The following TTN variants were observed in gnomAD, a reference collection of about 807,000 sequenced individuals.
TTN encodes connectin.
In TTN, 1,525 loss-of-function variants were observed where a neutral mutation model predicts 3,223.0. The observed-to-expected ratio is 0.47, with a 90% confidence interval of 0.45 to 0.49. The LOEUF is 0.49. TTN is among the 20% of genes least tolerant of loss of function. The pLI is 0.00. For missense variants in TTN, 40,786 were observed against 43,424.0 expected (o/e 0.94, Z 5.40); for synonymous variants, 14,094 against 15,161.0 (o/e 0.93, Z 5.17).
Position 178,707,554 on chromosome 2 carries a change from G to A in TTN, c.29013C>T (p.Asp9671=). Residue 9671 remains aspartate, a synonymous_variant, in exon 100 of 363, where the codon GAC becomes GAT. Coordinates refer to ENST00000589042, the MANE Select transcript of TTN (RefSeq NM_001267550.2). ...VCKASNVAGS[D]TTKSKVTIKD... ...TAATGGTCACTTTTGATTTGGTAGT[G>A]TCACTTCCAGCCACATTTGAAGCTT... 1 of 1,613,452 alleles carries A rather than the reference G, an allele frequency of 6.2e-7. No homozygotes were observed. The highest frequency in any genetic ancestry group is 8.5e-7 in the Non-Finnish European group (1 of 1,179,580).
chr2:178,595,807 C>T lies in TTN; in HGVS notation c.57547G>A (p.Val19183Ile). Reference protein sequence around the residue: ...KKTIIVDVLDVPGPVGTPFLA... With the variant: ...KKTIIVDVLDIPGPVGTPFLA... ...AATGGTGTTCCAACGGGACCTGGAA[C>T]ATCTGGAAATAAGAAGAAAATAATT... The change falls in exon 295 of 363, where the codon GTT becomes ATT. Residue 19183 changes from valine to isoleucine, a missense_variant and splice_region_variant. Transcript: ENST00000589042. 1 of 1,591,544 alleles carries T rather than the reference C, an allele frequency of 6.3e-7. No homozygotes were observed. Among genetic ancestry groups the T allele is most frequent in the South Asian group, 1.2e-5 (1 of 86,618 alleles).
intron 62 of TTN, 30 bp downstream of exon 62, chr2:178,730,063 C>T: frequency 1.3e-6 from 2 of 1,587,852 alleles, no homozygotes; most frequent in South Asian, 2.3e-5. Flanking sequence ...TCTAGACAAG[C>T]AAGAAAGTGA....
Position 178,794,484 on chromosome 2 carries a change from A to G in TTN, c.1313T>C (p.Val438Ala). Residue 438 changes from valine (V) to alanine (A), a missense_variant, in exon 8 of 363, where the codon GTG becomes GCG. Transcript: ENST00000589042. ...TVVAAVDMAR[V>A]REPVISAVEQ... is the part of the protein sequence containing the mutation. ...TACAGCGCTGATCACTGGTTCTCTCACTCTGGCCATATCAACGGCAGCAAC... is the reference window on the plus strand; with the variant it reads ...TACAGCGCTGATCACTGGTTCTCTCGCTCTGGCCATATCAACGGCAGCAAC... 6.2e-7 allele frequency: 1 copy of G among 1,613,828 alleles called. No homozygotes were observed. Among genetic ancestry groups the G allele is most frequent in the Non-Finnish European group, 8.5e-7 (1 of 1,179,916 alleles).
chr2:178,722,997 T>C, intron 75 of TTN, 49 bp downstream of exon 75: 3 of 1,601,330 alleles, frequency 1.9e-6, no homozygotes, highest in South Asian at 2.3e-5. Context: ...GAAACTATGC[T>C]ACATGTTAGA....
At position 178,567,304 on chromosome 2, in the gene TTN, T is replaced by C; in HGVS notation, c.78828A>G (p.Ser26276=). ...CTAATACTTTTACATTTACTGGGAA[T>C]GACTTAGAACCTGCAACATTGGAAG... ...LRASNVAGSK[S]FPVNVKVLDR... is the part of the protein sequence containing the mutation. Residue 26276 remains serine, a synonymous_variant, in exon 326 of 363, where the codon TCA becomes TCG. Coordinates refer to ENST00000589042, the MANE Select transcript of TTN (RefSeq NM_001267550.2). 1.2e-6 allele frequency: 2 copies of C among 1,607,170 alleles called. No individual in the cohort carries two copies. Among genetic ancestry groups the C allele is most frequent in the Non-Finnish European group, 1.7e-6 (2 of 1,177,440 alleles).
In TTN at chr2:178,632,248, T is replaced by G. The variant is rs775953090; in HGVS notation, c.43646A>C (p.Lys14549Thr). The G allele has an allele frequency of 1.2e-6, 2 of 1,608,808 alleles. No homozygotes were observed. The highest frequency in any genetic ancestry group is 2.7e-5 in the African/African-American group (2 of 74,942). The change falls in exon 236 of 363, where the codon AAA becomes ACA. Residue 14549 changes from lysine to threonine, a missense_variant. Transcript: ENST00000589042. ...GTCTTTGAATGTGATCGAATGAGTT[T>G]TCCCTTCGTCTTGCATTGAGACCGA... Reference protein sequence around the residue: ...TRSVSMQDEGKTHSITFKDLS... With the variant: ...TRSVSMQDEGTTHSITFKDLS...
In TTN at chr2:178,684,687, C is replaced by T; in HGVS notation, c.32617G>A (p.Glu10873Lys). The T allele has an allele frequency of 6.2e-7, 1 of 1,610,908 alleles. No individual in the cohort carries two copies. Among genetic ancestry groups the T allele is most frequent in the Non-Finnish European group, 8.5e-7 (1 of 1,179,092 alleles). The change falls in exon 131 of 363, where the codon GAA becomes AAA. Residue 10873 changes from glutamate (E) to lysine (K), a missense_variant. Glu to Lys is a moderately conservative substitution (Grantham distance 56). Transcript: ENST00000589042. ...KKVPPKVIKM[E>K]EPLPAKVTER... ...TTACCTTTGGCTGGGAGAGGTTCTT[C>T]CATCTTAATGACTTTTGGAGGAACC... is the stretch of plus-strand genomic sequence containing the variant.
At chr2:178,554,836 T>C in intron 331 of TTN, 29 bp downstream of exon 331, 1 of 1,613,220 alleles carries the variant, frequency 6.2e-7, no homozygotes. Context: ...GCAAATGTAA[T>C]ATGACAGTGG....
Position 178,584,889 on chromosome 2 carries a change from A to C in TTN, c.64752T>G (p.Pro21584=). Residue 21584 remains proline (P), a synonymous_variant, in exon 310 of 363, where the codon CCT becomes CCG. Transcript: ENST00000589042. Reference sequence around the variant, plus strand: ...TGATGTTACTGCCTCCGTCCTCCAGAGGGATGTGCCATGACAGGGAGCAAG... The same window carrying C: ...TGATGTTACTGCCTCCGTCCTCCAGCGGGATGTGCCATGACAGGGAGCAAG... The part of the protein sequence containing the change: ...ADACSLSWHI[P]LEDGGSNITN... The C allele has an allele frequency of 2.5e-6, 4 of 1,613,350 alleles. No individual in the cohort carries two copies. The highest frequency in any genetic ancestry group is 3.4e-6 in the Non-Finnish European group (4 of 1,179,532).
rs368988689 is a variant in TTN at position 178,618,216 on chromosome 2, T to G, written c.47242A>C (p.Asn15748His). Residue 15748 changes from asparagine (N) to histidine (H), a missense_variant, in exon 252 of 363, where the codon AAT (asparagine) becomes CAT (histidine). Asn to His is a moderately conservative substitution (Grantham distance 68). Transcript: ENST00000589042. ...VGTGEPVETDNPVEARSKYDV... is the reference protein window; with the variant it reads ...VGTGEPVETDHPVEARSKYDV... ...TATTTACTCCTTGCTTCTACAGGAT[T>G]GTCAGTTTCTACTGGCTCACCAGTG... 25 of 1,612,620 alleles carry G rather than the reference T, an allele frequency of 1.6e-5. No homozygotes were observed. The African/African-American group carries it at 2.8e-4, about 18-fold the overall frequency.
At chr2:178,637,787 G>A (rs930878068) in intron 223 of TTN, among the ~76,000 whole-genome samples, 2 of 152,030 alleles carry the variant, frequency 1.3e-5, no homozygotes, top group Non-Finnish European at 2.9e-5. Context: ...ATAAGGTTTT[G>A]TCAATAAATC....
chr2:178,724,853 A>G lies in TTN; in HGVS notation c.20837-315T>C, dbSNP rs2079066574. On this transcript the variant is annotated intron_variant, in intron 71 of 362. Transcript: ENST00000589042. ...CTTCAAAACAATTTAAACAATGTGCATTAGATAGTATATATTGATTTCCAC... is the reference window on the plus strand; with the variant it reads ...CTTCAAAACAATTTAAACAATGTGCGTTAGATAGTATATATTGATTTCCAC... The G allele has an allele frequency of 8.6e-6, 2 of 232,644 alleles. 1 individual carries two copies. Among genetic ancestry groups the G allele is most frequent in the South Asian group, 3.1e-4 (2 of 6,400 alleles). 14.4% of individuals were successfully genotyped at this position (232,644 alleles called of 1,614,324 possible). A position where few individuals can be genotyped will look rare whatever the true frequency, so the allele number is the denominator to read the frequency against.
intron 241 of TTN, 28 bp downstream of exon 241, chr2:178,625,245 A>G (rs1269438791): frequency 6.9e-6 from 11 of 1,601,460 alleles, no homozygotes; most frequent in African/African-American, 1.3e-5. Context: ...TGCCTTATAC[A>G]TGTTTTTAAA....
chr2:178,720,341 G>C, intron 80 of TTN, 44 bp downstream of exon 80: 1 of 1,592,062 alleles, frequency 6.3e-7, no homozygotes, highest in Non-Finnish European at 8.6e-7. Flanking sequence ...GGCAAGAACA[G>C]ATAGGAGGAA....
intron 291 of TTN, 29 bp downstream of exon 291, chr2:178,598,719 T>TTCC: frequency 6.2e-7 from 1 of 1,602,052 alleles, no homozygotes. Context: ...AAATAAGATT[T>TTCC]AAAAAAAAGG....
At position 178,688,296 on chromosome 2, in the gene TTN, A is replaced by G. The variant is rs2071410565; in HGVS notation, c.32198-72T>C. The G allele has an allele frequency of 4.6e-6, 6 of 1,309,788 alleles. No homozygotes were observed. The East Asian group carries it at 9.2e-5, about 20-fold the overall frequency. 81.1% of individuals were successfully genotyped at this position (1,309,788 alleles called of 1,614,324 possible). ...ATGTATATACAGCCATGTGGTCACT[A>G]CAGATGGATAACTGTTCTTCTATCT... On this transcript the variant is annotated intron_variant, in intron 126 of 362. Transcript: ENST00000589042.
Position 178,608,367 on chromosome 2 carries a change from G to T in TTN, c.52516C>A (p.Leu17506Ile). Residue 17506 changes from leucine (L) to isoleucine (I), a missense_variant, in exon 275 of 363, where the codon CTT becomes ATT. By Grantham distance (5) the Leu-to-Ile change is conservative (BLOSUM62 2). Transcript: ENST00000589042. ...DNGSPILGYW[L>I]EKREVNSTHW... ...GTACTGTTAACTTCACGTTTTTCAA[G>T]CCAGTAACCCAAAATGGGGCTTCCA... is the stretch of plus-strand genomic sequence containing the variant. 2 of 1,612,002 alleles carry T rather than the reference G, an allele frequency of 1.2e-6. No individual in the cohort carries two copies. Among genetic ancestry groups the T allele is most frequent in the South Asian group, 2.2e-5 (2 of 90,886 alleles).
rs998950249 is a variant in TTN at position 178,566,292 on chromosome 2, T to C, written c.79840A>G (p.Ile26614Val). The change falls in exon 326 of 363, where the codon ATT becomes GTT. Residue 26614 changes from isoleucine (I) to valine (V), a missense_variant. Transcript: ENST00000589042. Reference sequence around the variant, plus strand: ...GGCGTTGGACGACCTTTGAATGGAATGTGAATTCTGGCAGATCCACCAGCT... The same window carrying C: ...GGCGTTGGACGACCTTTGAATGGAACGTGAATTCTGGCAGATCCACCAGCT... Reference protein sequence around the residue: ...VRAGGSARIHIPFKGRPTPEI... With the variant: ...VRAGGSARIHVPFKGRPTPEI... 3 of 1,613,574 alleles carry C rather than the reference T, an allele frequency of 1.9e-6. No homozygotes were observed. Among genetic ancestry groups the C allele is most frequent in the Middle Eastern group, 1.6e-4 (1 of 6,082 alleles).
In TTN at chr2:178,780,312, C is replaced by T. The variant is rs529273788; in HGVS notation, c.3524-107G>A. 19 of 938,212 alleles carry T rather than the reference C, an allele frequency of 2.0e-5. No individual in the cohort carries two copies. The South Asian group carries it at 2.7e-4, about 13-fold the overall frequency. 58.1% of individuals were successfully genotyped at this position (938,212 alleles called of 1,614,324 possible). A position where few individuals can be genotyped will look rare whatever the true frequency, so the allele number is the denominator to read the frequency against. ...ACTGGGGAAAGTTGATAACCAAAAA[C>T]CAAATTTTCCAAATATCTACTATTG... On this transcript the variant is annotated intron_variant, in intron 21 of 362. Transcript: ENST00000589042.
Sources: allele counts gnomAD v4.1 joint callset (sites outside exome capture counted in the v4.1 genomes callset), GRCh38; gene constraint gnomAD v4.1.1; transcripts MANE v1.5; gene names NCBI Gene and HGNC (gene_info 2026-07-23, HGNC 2026-07-21).